The following PGBD2 variants were observed in gnomAD, a reference collection of about 807,000 sequenced individuals.
PGBD2 encodes the protein piggyBac transposable element derived 2.
PGBD2 carries 6 observed loss-of-function variants against 8.1 expected under a neutral mutation model. That is an observed-to-expected ratio of 0.74 (90% CI 0.40 to 1.46). The LOEUF is 1.46. PGBD2 is among the 40% of genes most tolerant of loss of function. PGBD2 has a pLI of 0.02. For synonymous variants in PGBD2, 318 were observed against 272.2 expected, an observed-to-expected ratio of 1.17 and a Z score of -1.66; for missense variants, 802 against 739.0, an observed-to-expected ratio of 1.09 and a Z score of -0.99.
Position 248,917,297 on chromosome 1 carries a change from C to G in PGBD2, c.713C>G (p.Ala238Gly), listed in dbSNP as rs777855537. The change falls in exon 3 of 3, where the codon GCA (alanine) becomes GGA (glycine). Residue 238 changes from alanine (A) to glycine (G), a missense_variant. Coordinates refer to ENST00000329291, the MANE Select transcript of PGBD2 (RefSeq NM_170725.3). ...LHFADNNELD[A>G]SDRFAKVRPL... ...TTTGCAGATAACAACGAACTTGATG[C>G]AAGTGATAGGTTTGCCAAGGTCAGA... 7 of 1,614,184 alleles carry G rather than the reference C, an allele frequency of 4.3e-6. No individual in the cohort carries two copies. The East Asian group carries it at 1.6e-4, about 36-fold the overall frequency.
chr1:248,874,323 A>G, the PGBD2 span, among the ~76,000 whole-genome samples: 10 of 152,278 alleles, frequency 6.6e-5, no homozygotes, highest in South Asian at 1.2e-3. Context: ...CAGGAAAGTA[A>G]GCCGTTTTAA....
chr1:248,872,945 C>T, the PGBD2 span, among the ~76,000 whole-genome samples: 1 of 152,212 alleles, frequency 6.6e-6, no homozygotes, highest in African/African-American at 2.4e-5. Context: ...TGAGGCCTTA[C>T]TTAACTGCAC....
chr1:248,875,320 A>C, the PGBD2 span, among the ~76,000 whole-genome samples: 6 of 150,534 alleles, frequency 4.0e-5, no homozygotes, highest in East Asian at 5.8e-4. Context: ...AAAAAAAAAA[A>C]AAAAAAAAGA....
At chr1:248,892,451 T>A in the PGBD2 span, among the ~76,000 whole-genome samples, 9 of 145,842 alleles carry the variant, frequency 6.2e-5, no homozygotes, top group African/African-American at 2.0e-4. Flanking sequence ...GCAGTTAATC[T>A]AAAAAAAAAA....
chr1:248,917,864 G>C lies in PGBD2; in HGVS notation c.1280G>C (p.Gly427Ala), dbSNP rs778369481. 66 of 1,614,106 alleles carry C rather than the reference G, an allele frequency of 4.1e-5. No homozygotes were observed. The highest frequency in any genetic ancestry group is 4.8e-5 in the Non-Finnish European group (57 of 1,180,048). The part of the protein sequence containing the change: ...SVVNICSNAV[G>A]IEPVRLTSRH... The stretch of plus-strand genomic sequence containing the variant: ...GTCAACATTTGCTCCAATGCTGTGG[G>C]CATAGAGCCAGTGAGGCTGACCAGT... The change falls in exon 3 of 3, where the codon GGC (glycine) becomes GCC (alanine). Residue 427 changes from glycine (G) to alanine (A), a missense_variant. Coordinates refer to ENST00000329291, the MANE Select transcript of PGBD2 (RefSeq NM_170725.3).
the PGBD2 span, among the ~76,000 whole-genome samples, chr1:248,928,179 A>G: frequency 6.6e-6 from 1 of 152,282 alleles, no homozygotes; most frequent in Admixed American, 6.5e-5. Flanking sequence ...AAAAAATTAT[A>G]TCAACCTTTC....
the PGBD2 span, among the ~76,000 whole-genome samples, chr1:248,891,014 C>T: frequency 4.6e-5 from 7 of 152,104 alleles, no homozygotes; most frequent in African/African-American, 1.7e-4. Context: ...CCACCACACA[C>T]CCACAATATA....
At chr1:248,921,327 A>G (rs1302865528), downstream of PGBD2, among the ~76,000 whole-genome samples, 1 of 152,180 alleles carries the variant, frequency 6.6e-6, no homozygotes, top group Non-Finnish European at 1.5e-5. Flanking sequence ...ATAAGGTGTA[A>G]GGAAGGGGTC....
chr1:248,905,649 C>A (rs1204267992), upstream of PGBD2, among the ~76,000 whole-genome samples: 2 of 152,172 alleles, frequency 1.3e-5, no homozygotes, highest in Admixed American at 6.5e-5. Context: ...AACACTGTTA[C>A]CTGAAACTCA....
the PGBD2 span, among the ~76,000 whole-genome samples, chr1:248,890,764 C>A: frequency 2.0e-5 from 3 of 151,600 alleles, no homozygotes; most frequent in East Asian, 5.8e-4. Flanking sequence ...ACATTACACA[C>A]CCCGCACACC....
At chr1:248,905,714 CCTT>C (rs1661610826), upstream of PGBD2, among the ~76,000 whole-genome samples, 1 of 152,212 alleles carries the variant, frequency 6.6e-6, no homozygotes, top group Middle Eastern at 3.2e-3. Flanking sequence ...AGGACAGCCT[CCTT>C]CCCTCTCAAC....
the PGBD2 span, among the ~76,000 whole-genome samples, chr1:248,892,699 T>C: frequency 2.0e-5 from 3 of 152,344 alleles, no homozygotes; most frequent in East Asian, 5.8e-4. Context: ...CCTTGGAATA[T>C]CCTGCCTGAT....
intron 1 of PGBD2, among the ~76,000 whole-genome samples, chr1:248,912,154 G>A (rs1661915546): frequency 6.6e-6 from 1 of 152,102 alleles, no homozygotes; most frequent in Non-Finnish European, 1.5e-5. Context: ...CATCATCATT[G>A]TGTGCATGTG....
At position 248,918,484 on chromosome 1, in the gene PGBD2, A is replaced by G. The variant is rs972493182; in HGVS notation, c.*121A>G. On this transcript the variant is annotated 3_prime_UTR_variant, in exon 3 of 3. Coordinates refer to ENST00000329291, the MANE Select transcript of PGBD2 (RefSeq NM_170725.3). ...TGAATTTCTAATGACTTGATTTTCTATTTTCTCCCTACCCACAATACAGTT... is the reference window on the plus strand; with the variant it reads ...TGAATTTCTAATGACTTGATTTTCTGTTTTCTCCCTACCCACAATACAGTT... 37 of 952,564 alleles carry G rather than the reference A, an allele frequency of 3.9e-5. No individual in the cohort carries two copies. Among genetic ancestry groups the G allele is most frequent in the South Asian group, 7.9e-5 (4 of 50,710 alleles). The allele number at this position is 952,564 out of a possible 1,614,324, so 59.0% of individuals were successfully genotyped here. A position where few individuals can be genotyped will look rare whatever the true frequency, so the allele number is the denominator to read the frequency against.
chr1:248,927,352 T>C, the PGBD2 span, among the ~76,000 whole-genome samples: 1 of 152,104 alleles, frequency 6.6e-6, no homozygotes, highest in Non-Finnish European at 1.5e-5. Flanking sequence ...GCAGAAATAA[T>C]AGATGATGCT....
At chr1:248,880,751 CTTTTA>C in the PGBD2 span, among the ~76,000 whole-genome samples, 2 of 152,102 alleles carry the variant, frequency 1.3e-5, no homozygotes, top group African/African-American at 2.4e-5. Context: ...AGCTTAAGGG[CTTTTA>C]TTTTATCTAT....
the PGBD2 span, among the ~76,000 whole-genome samples, chr1:248,883,581 TTTC>T: frequency 7.1e-6 from 1 of 141,712 alleles, no homozygotes; most frequent in African/African-American, 2.9e-5. Flanking sequence ...TTCTTTTTTT[TTTC>T]TTTTTTTTTT....
chr1:248,907,372 T>G (rs975783363), intron 1 of PGBD2, among the ~76,000 whole-genome samples: 2 of 152,226 alleles, frequency 1.3e-5, no homozygotes, highest in African/African-American at 4.8e-5. Context: ...TACAATCAGG[T>G]TTTGTACGGA....
Position 248,906,412 on chromosome 1 carries a change from G to C in PGBD2, c.-48+70G>C, listed in dbSNP as rs140601188. Reference sequence around the variant, plus strand: ...TACAGGAGTGGTTGGCGTTGATGTTGCGTTTTCTCAACGGCGGCATCCGAG... The same window carrying C: ...TACAGGAGTGGTTGGCGTTGATGTTCCGTTTTCTCAACGGCGGCATCCGAG... On this transcript the variant is annotated intron_variant, in intron 1 of 2. Transcript: ENST00000329291. The C allele has an allele frequency of 4.1e-3, 622 of 152,182 alleles. 5 individuals are homozygous for C. The highest frequency in any genetic ancestry group is 0.014 in the African/African-American group (590 of 41,442). 9.4% of individuals were successfully genotyped at this position (152,182 alleles called of 1,614,324 possible).
Sources: allele counts gnomAD v4.1 joint callset (sites outside exome capture counted in the v4.1 genomes callset), GRCh38; gene constraint gnomAD v4.1.1; transcripts MANE v1.5; gene names NCBI Gene and HGNC (gene_info 2026-07-23, HGNC 2026-07-21).